SCAMP4: variants seen among roughly 807,000 people sequenced by gnomAD.
SCAMP4 encodes secretory carrier-associated membrane protein 4.
A neutral mutation model predicts 32.1 loss-of-function variants in SCAMP4; 19 were observed. The observed-to-expected ratio is 0.59, with a 90% confidence interval of 0.41 to 0.87. The LOEUF (loss-of-function observed/expected upper bound fraction) is 0.87, where lower values mean the gene tolerates loss of function less well. Ranked by LOEUF, SCAMP4 falls within the 40% of genes least tolerant of loss-of-function variation. The probability of loss-of-function intolerance (pLI) is 0.00; values close to 1 mark genes in which losing one functional copy is unlikely to be tolerated. For synonymous variants in SCAMP4, 152 were observed against 132.7 expected, an observed-to-expected ratio of 1.15 and a Z score of -1.00; for missense variants, 302 against 309.0, an observed-to-expected ratio of 0.98 and a Z score of 0.17.
chr19:1,924,593 A>G lies in SCAMP4; in HGVS notation c.*309A>G, dbSNP rs1420618923. The stretch of plus-strand genomic sequence containing the variant: ...GCACGGCTGGTACGGCCTTGTCTTC[A>G]GGTCTCGAGGCCTGACTCCGGGGGA... On this transcript the variant is annotated 3_prime_UTR_variant, in exon 7 of 7. Coordinates refer to ENST00000316097, the MANE Select transcript of SCAMP4 (RefSeq NM_079834.4). 1.1e-5 allele frequency: 4 copies of G among 369,196 alleles called. No homozygotes were observed. Among genetic ancestry groups the G allele is most frequent in the South Asian group, 3.2e-5 (1 of 31,516 alleles). The allele number at this position is 369,196 out of a possible 1,614,324, so 22.9% of individuals were successfully genotyped here. A position where few individuals can be genotyped will look rare whatever the true frequency, so the allele number is the denominator to read the frequency against.
chr19:1,924,352 C>T lies in SCAMP4; in HGVS notation c.*68C>T, dbSNP rs1450716282. On this transcript the variant is annotated 3_prime_UTR_variant, in exon 7 of 7. Transcript: ENST00000316097. ...TCATTCCTGCTGCTACCCCTGGTCC[C>T]GAGGGCTGGGAGTACCTGGGGCCCC... 30 of 1,466,732 alleles carry T rather than the reference C, an allele frequency of 2.0e-5. No homozygotes were observed. Among genetic ancestry groups the T allele is most frequent in the Admixed American group, 4.0e-5 (2 of 49,902 alleles). The allele number at this position is 1,466,732 out of a possible 1,614,324, so 90.9% of individuals were successfully genotyped here.
intron 2 of SCAMP4, 75 bp downstream of exon 2, chr19:1,915,101 C>T (rs1057061377): frequency 7.0e-6 from 11 of 1,573,200 alleles, no homozygotes; most frequent in African/African-American, 6.7e-5. Flanking sequence ...CAGGAGCCCT[C>T]GGTCCTGGCC....
chr19:1,922,143 T>C (rs1324027092), intron 5 of SCAMP4: 1 of 985,344 alleles, frequency 1.0e-6, no homozygotes, highest in Non-Finnish European at 1.2e-6. Context: ...ATGACTGTTT[T>C]CTGCCTCCTG....
chr19:1,907,530 G>T (rs1268294302), intron 1 of SCAMP4, among the ~76,000 whole-genome samples: 2 of 152,170 alleles, frequency 1.3e-5, no homozygotes, highest in East Asian at 3.8e-4. Flanking sequence ...GGCAGGTTGG[G>T]GACTGGGTGT....
chr19:1,912,242 C>T (rs1402664883), intron 1 of SCAMP4: 8 of 1,596,778 alleles, frequency 5.0e-6, no homozygotes, highest in Non-Finnish European at 6.8e-6. Flanking sequence ...ACGCCGCGCC[C>T]GTCCTGGACA....
chr19:1,919,453 G>A (rs1478019790), intron 5 of SCAMP4: 3 of 979,268 alleles, frequency 3.1e-6, no homozygotes, highest in Non-Finnish European at 2.4e-6. Flanking sequence ...GTGCCCAGAA[G>A]TGTTTGTGTT....
At chr19:1,921,931 G>T (rs1030187089) in intron 5 of SCAMP4, 1 of 985,412 alleles carries the variant, frequency 1.0e-6, no homozygotes, top group Non-Finnish European at 1.2e-6. Context: ...GCGGCGGGGG[G>T]TACCGCGTGT....
rs918440250 is a variant in SCAMP4, at chr19:1,919,349, C to T, written c.395+359C>T. ...GCTGCTGATGTTTCTGCACGGATCG[C>T]TGCAGGAGGAAGACCTGTACATCTG... On this transcript the variant is annotated intron_variant, in intron 5 of 6. Transcript: ENST00000316097. The T allele has an allele frequency of 5.3e-6, 6 of 1,136,762 alleles. No individual in the cohort carries two copies. The Admixed American group carries it at 2.5e-4, about 47-fold the overall frequency. The allele number at this position is 1,136,762 out of a possible 1,614,324, so 70.4% of individuals were successfully genotyped here.
At chr19:1,921,334 T>C in intron 5 of SCAMP4, 9 of 985,370 alleles carry the variant, frequency 9.1e-6, no homozygotes, top group Non-Finnish European at 1.1e-5. Flanking sequence ...CACGGCAGCA[T>C]CTGTGGTGGC....
chr19:1,920,907 C>T (rs561187704), intron 5 of SCAMP4: 13 of 985,418 alleles, frequency 1.3e-5, no homozygotes, highest in South Asian at 9.4e-5. Flanking sequence ...CCCTCGTGCA[C>T]GTGCGGCAGC....
chr19:1,922,812 G>A (rs1205430106), intron 5 of SCAMP4: 1 of 1,178,946 alleles, frequency 8.5e-7, no homozygotes, highest in African/African-American at 1.6e-5. Context: ...ATAAGGTTGT[G>A]TTCACGCGTC....
At chr19:1,912,498 ACCAGGGG>A (rs1273698511) in intron 1 of SCAMP4, 5 of 1,496,670 alleles carry the variant, frequency 3.3e-6, no homozygotes, top group Admixed American at 4.4e-5. Flanking sequence ...GCCGCCTCTG[ACCAGGGG>A]CCAGTTCGAG....
At chr19:1,916,057 A>G (rs2013723554) in intron 2 of SCAMP4, among the ~76,000 whole-genome samples, 1 of 151,860 alleles carries the variant, frequency 6.6e-6, no homozygotes, top group Admixed American at 6.6e-5. Context: ...CAGCCTGGAC[A>G]GCATAGTGAA....
chr19:1,906,972 G>A (rs968373410), intron 1 of SCAMP4: 1 of 151,902 alleles, frequency 6.6e-6, no homozygotes, highest in Non-Finnish European at 1.5e-5. Context: ...TATATCACAA[G>A]GTCAGGAGTT....
chr19:1,911,993 C>G (rs1599239018), intron 1 of SCAMP4: 4 of 1,413,610 alleles, frequency 2.8e-6, no homozygotes, highest in Non-Finnish European at 3.7e-6. Flanking sequence ...CTTGTGGAGC[C>G]ACGGCCTCCC....
In SCAMP4 at chr19:1,925,649, A is replaced by ATGCTGT; in HGVS notation, c.*1372_*1377dup. On this transcript the variant is annotated 3_prime_UTR_variant, in exon 7 of 7. Coordinates refer to ENST00000316097, the MANE Select transcript of SCAMP4 (RefSeq NM_079834.4). Reference sequence around the variant, plus strand: ...CCCTCCCCACCCGTTCACCCCCAGGATGCTGTTGCTGTAGGACGCCTGCTG... The same window carrying ATGCTGT: ...CCCTCCCCACCCGTTCACCCCCAGGATGCTGTTGCTGTTGCTGTAGGACGCCTGCTG... The ATGCTGT allele has an allele frequency of 6.6e-6, 1 of 151,882 alleles. No homozygotes were observed. Among genetic ancestry groups the ATGCTGT allele is most frequent in the South Asian group, 2.1e-4 (1 of 4,758 alleles). The allele number at this position is 151,882 out of a possible 1,614,324, so 9.4% of individuals were successfully genotyped here.
In SCAMP4 at chr19:1,917,812, G is replaced by T; in HGVS notation, c.126G>T (p.Arg42=). The change falls in exon 3 of 7, where the codon CGG becomes CGT. Residue 42 remains arginine, a synonymous_variant. Coordinates refer to ENST00000316097, the MANE Select transcript of SCAMP4 (RefSeq NM_079834.4). ...EHQVLVKRIY[R]LWMFYCATLG... ...AGGTCCTGGTGAAGAGGATCTACCGGCTGTGGATGTGTGAGTGCGCCTGGG... is the reference window on the plus strand; with the variant it reads ...AGGTCCTGGTGAAGAGGATCTACCGTCTGTGGATGTGTGAGTGCGCCTGGG... 1 of 1,613,998 alleles carries T rather than the reference G, an allele frequency of 6.2e-7. No homozygotes were observed. Among genetic ancestry groups the T allele is most frequent in the East Asian group, 2.2e-5 (1 of 44,890 alleles).
intron 1 of SCAMP4, chr19:1,905,749 C>T (rs1345133031): frequency 2.6e-5 from 4 of 152,368 alleles, no homozygotes; most frequent in Non-Finnish European, 5.9e-5. Context: ...CCGTATCCTC[C>T]AGCTGCTTCC....
At chr19:1,923,784 A>G (rs1486070884) in intron 6 of SCAMP4, among the ~76,000 whole-genome samples, 5 of 120,860 alleles carry the variant, frequency 4.1e-5, no homozygotes. Context: ...GCACCTGGCT[A>G]ATTATTTTGT....
Sources: allele counts gnomAD v4.1 joint callset (sites outside exome capture counted in the v4.1 genomes callset), GRCh38; gene constraint gnomAD v4.1.1; transcripts MANE v1.5; gene names NCBI Gene and HGNC (gene_info 2026-07-23, HGNC 2026-07-21).